DCC: variants seen among roughly 807,000 people sequenced by gnomAD.
The protein encoded by DCC is netrin receptor DCC.
In DCC, 58 loss-of-function variants were observed where a neutral mutation model predicts 172.5. The observed-to-expected ratio is 0.34, with a 90% CI of 0.27 to 0.42. DCC has a LOEUF of 0.42. DCC is among the 10% of genes least tolerant of loss of function. The pLI is 1.00. For synonymous variants in DCC, 709 were observed against 644.5 expected, an observed-to-expected ratio of 1.10 and a Z score of -1.52; for missense variants, 1,740 against 1,791.0, an observed-to-expected ratio of 0.97 and a Z score of 0.51.
At chr18:52,574,242 C>T (rs1012679241) in intron 1 of DCC, among the ~76,000 whole-genome samples, 1 of 152,078 alleles carries the variant, frequency 6.6e-6, no homozygotes, top group African/African-American at 2.4e-5. Flanking sequence ...TCTTTTCAAC[C>T]CATTGTTATT....
chr18:53,503,365 G>T lies in DCC; in HGVS notation c.4111+3855G>T, dbSNP rs571903691. On this transcript the variant is annotated intron_variant, in intron 27 of 28. Transcript: ENST00000442544. Reference sequence around the variant, plus strand: ...CTTACAAGACTCTAGGGTATTTATGGTGTTTCTTACAATTTCATCATCACC... The same window carrying T: ...CTTACAAGACTCTAGGGTATTTATGTTGTTTCTTACAATTTCATCATCACC... Among the ~76,000 whole-genome samples, 180 of 152,122 alleles carry T rather than the reference G, an allele frequency of 1.2e-3. 2 individuals carry two copies. The highest frequency in any genetic ancestry group is 4.2e-3 in the African/African-American group (174 of 41,470).
chr18:53,107,245 T>C (rs994308561), intron 7 of DCC, among the ~76,000 whole-genome samples: 12 of 151,750 alleles, frequency 7.9e-5, no homozygotes, highest in African/African-American at 2.9e-4. Flanking sequence ...AGATCAAAGT[T>C]GTGTCAAGAA....
At chr18:53,358,526 C>T (rs2057904937) in intron 15 of DCC, among the ~76,000 whole-genome samples, 1 of 119,594 alleles carries the variant, frequency 8.4e-6, no homozygotes, top group African/African-American at 3.3e-5. Flanking sequence ...CATATTCTCT[C>T]TCTCTTTTTT....
intron 1 of DCC, among the ~76,000 whole-genome samples, chr18:52,718,716 T>C (rs927139151): frequency 3.3e-5 from 5 of 152,168 alleles, no homozygotes; most frequent in African/African-American, 1.2e-4. Flanking sequence ...ATCTACAATG[T>C]CCCATGTAAT....
chr18:53,346,138 C>A (rs374277456), intron 15 of DCC, among the ~76,000 whole-genome samples: 51 of 152,200 alleles, frequency 3.4e-4, no homozygotes, highest in African/African-American at 1.2e-3. Context: ...GGAAAACAGG[C>A]ATGTGTCAAC....
chr18:52,788,263 T>C (rs1267512425), intron 2 of DCC, among the ~76,000 whole-genome samples: 2 of 152,186 alleles, frequency 1.3e-5, no homozygotes, highest in African/African-American at 4.8e-5. Context: ...CAAATAAAAC[T>C]GTTTAGTGAT....
intron 5 of DCC, among the ~76,000 whole-genome samples, chr18:52,928,565 ATG>A (rs1226326904): frequency 1.3e-5 from 2 of 152,228 alleles, no homozygotes; most frequent in Non-Finnish European, 2.9e-5. Flanking sequence ...GCATATTTAT[ATG>A]TGTATATATG....
chr18:53,210,800 G>GT (rs200422967), intron 11 of DCC, among the ~76,000 whole-genome samples: 28 of 150,980 alleles, frequency 1.9e-4, no homozygotes, highest in South Asian at 6.3e-4. Flanking sequence ...ATTACTTTAT[G>GT]TTTTTTTTTC....
intron 1 of DCC, among the ~76,000 whole-genome samples, chr18:52,609,513 T>C (rs972631790): frequency 6.6e-6 from 1 of 152,078 alleles, no homozygotes; most frequent in African/African-American, 2.4e-5. Flanking sequence ...AGCTTCTTCG[T>C]TGGATGGAGC....
At chr18:52,554,804 C>T (rs2032868832) in intron 1 of DCC, among the ~76,000 whole-genome samples, 1 of 151,942 alleles carries the variant, frequency 6.6e-6, no homozygotes, top group South Asian at 2.1e-4. Flanking sequence ...TTAGTCCTCT[C>T]ATTTAAGAAA....
intron 1 of DCC, among the ~76,000 whole-genome samples, chr18:52,646,039 T>C (rs1015787985): frequency 6.6e-6 from 1 of 152,164 alleles, no homozygotes; most frequent in African/African-American, 2.4e-5. Flanking sequence ...GTTTGCATGA[T>C]GACATACTGG....
At chr18:52,601,772 A>G (rs965249693) in intron 1 of DCC, among the ~76,000 whole-genome samples, 1 of 152,038 alleles carries the variant, frequency 6.6e-6, no homozygotes, top group African/African-American at 2.4e-5. Context: ...TATTAGCACA[A>G]GTGTATATAT....
intron 1 of DCC, among the ~76,000 whole-genome samples, chr18:52,556,521 G>T (rs2032919442): frequency 6.6e-6 from 1 of 152,066 alleles, no homozygotes; most frequent in Non-Finnish European, 1.5e-5. Context: ...CTGCAGCAAG[G>T]AGGTAGAAGA....
intron 1 of DCC, among the ~76,000 whole-genome samples, chr18:52,725,279 A>G (rs1056043324): frequency 6.6e-6 from 1 of 152,212 alleles, no homozygotes; most frequent in Non-Finnish European, 1.5e-5. Context: ...AGTGATCAGT[A>G]CACATTCCAT....
chr18:53,232,140 C>A (rs1296571889), intron 12 of DCC, among the ~76,000 whole-genome samples: 1 of 152,132 alleles, frequency 6.6e-6, no homozygotes, highest in Non-Finnish European at 1.5e-5. Context: ...GTGACTTTCT[C>A]TTGCGGCATG....
chr18:53,078,137 A>G (rs2042747603), intron 7 of DCC, among the ~76,000 whole-genome samples: 1 of 152,174 alleles, frequency 6.6e-6, no homozygotes, highest in Non-Finnish European at 1.5e-5. Flanking sequence ...TATATAAGGA[A>G]TCACAAATTA....
intron 1 of DCC, among the ~76,000 whole-genome samples, chr18:52,559,504 C>G (rs1321404834): frequency 6.6e-6 from 1 of 152,110 alleles, no homozygotes; most frequent in Admixed American, 6.6e-5. Flanking sequence ...ATAAAGGATC[C>G]AGACAGCCAC....
intron 27 of DCC, among the ~76,000 whole-genome samples, chr18:53,507,166 T>A (rs1053868852): frequency 1.3e-5 from 2 of 150,716 alleles, no homozygotes; most frequent in Non-Finnish European, 2.9e-5. Context: ...TTTTAAGTAT[T>A]CTAAGTAGTT....
chr18:52,624,881 C>T (rs969717474), intron 1 of DCC, among the ~76,000 whole-genome samples: 4 of 152,104 alleles, frequency 2.6e-5, no homozygotes, highest in Middle Eastern at 3.2e-3. Flanking sequence ...TTACGCAGAT[C>T]GTAAGCCATT....
Sources: allele counts gnomAD v4.1 joint callset (sites outside exome capture counted in the v4.1 genomes callset), GRCh38; gene constraint gnomAD v4.1.1; transcripts MANE v1.5; gene names NCBI Gene and HGNC (gene_info 2026-07-23, HGNC 2026-07-21).